Variants in AGMO observed in about 807,000 individuals in gnomAD.
The protein encoded by AGMO is glyceryl-ether monooxygenase.
AGMO carries 75 observed loss-of-function variants against 60.2 expected under a neutral mutation model. The observed-to-expected ratio is 1.25, with a 90% confidence interval of 1.03 to 1.51. AGMO has a LOEUF of 1.51. AGMO is among the 40% of genes most tolerant of loss of function. The pLI, the probability that AGMO is intolerant of heterozygous loss-of-function variation, is 0.00. For missense variants in AGMO, 763 were observed against 525.5 expected (o/e 1.45, Z -4.42); for synonymous variants, 261 against 177.1 (o/e 1.47, Z -3.76).
At chr7:15,194,569 G>A in the AGMO span, among the ~76,000 whole-genome samples, 1 of 152,034 alleles carries the variant, frequency 6.6e-6, no homozygotes, top group African/African-American at 2.4e-5. Context: ...ATTCCTTCTG[G>A]TTTTTGTGCA....
At chr7:15,159,968 C>G in the AGMO span, among the ~76,000 whole-genome samples, 1 of 152,140 alleles carries the variant, frequency 6.6e-6, no homozygotes. Context: ...CTACTGGGCA[C>G]TGGAAGCTAA....
chr7:15,422,684 G>A (rs2128495523), intron 4 of AGMO, among the ~76,000 whole-genome samples: 1 of 152,272 alleles, frequency 6.6e-6, no homozygotes, highest in Middle Eastern at 3.4e-3. Context: ...AGAAAATAGG[G>A]CAGTCTCATG....
At chr7:15,541,301 T>C (rs1450447704) in intron 3 of AGMO, among the ~76,000 whole-genome samples, 1 of 152,084 alleles carries the variant, frequency 6.6e-6, no homozygotes, top group Non-Finnish European at 1.5e-5. Flanking sequence ...TTTGTATTTT[T>C]AGTAGAGACA....
chr7:15,319,620 C>T (rs887455192), intron 12 of AGMO, among the ~76,000 whole-genome samples: 3 of 151,828 alleles, frequency 2.0e-5, no homozygotes, highest in Admixed American at 6.6e-5. Context: ...TGACGTTTTC[C>T]GAAGACTCAA....
chr7:15,182,547 C>A, the AGMO span, among the ~76,000 whole-genome samples: 47 of 152,110 alleles, frequency 3.1e-4, no homozygotes, highest in African/African-American at 1.1e-3. Flanking sequence ...TCCCGAGTAG[C>A]CGGGACTGCA....
chr7:15,365,822 T>C (rs1782953974), intron 11 of AGMO, among the ~76,000 whole-genome samples: 2 of 152,070 alleles, frequency 1.3e-5, no homozygotes, highest in African/African-American at 2.4e-5. Flanking sequence ...TTCATCAACA[T>C]ATTGCTTAGT....
chr7:15,508,922 T>C (rs1279549076), intron 3 of AGMO, among the ~76,000 whole-genome samples: 1 of 152,178 alleles, frequency 6.6e-6, no homozygotes, highest in South Asian at 2.1e-4. Flanking sequence ...ATTTAGTTTA[T>C]TTTAAGAACA....
At chr7:15,394,641 A>G (rs563547185) in intron 5 of AGMO, among the ~76,000 whole-genome samples, 2 of 152,336 alleles carry the variant, frequency 1.3e-5, no homozygotes, top group Admixed American at 1.3e-4. Flanking sequence ...CCTTCCAACT[A>G]TAGCTTTATT....
chr7:15,318,527 G>C (rs1049117208), intron 12 of AGMO, among the ~76,000 whole-genome samples: 13 of 152,024 alleles, frequency 8.6e-5, no homozygotes, highest in Non-Finnish European at 1.8e-4. Context: ...GATTGACTCA[G>C]ACAAAGTTCA....
At chr7:15,277,318 TA>T (rs1783827833) in intron 12 of AGMO, among the ~76,000 whole-genome samples, 2 of 122,354 alleles carry the variant, frequency 1.6e-5, no homozygotes, top group African/African-American at 8.6e-5. Context: ...AAATAATAAA[TA>T]AATAAATAAA....
intron 12 of AGMO, among the ~76,000 whole-genome samples, chr7:15,255,805 G>A (rs1478707603): frequency 6.6e-6 from 1 of 152,128 alleles, no homozygotes; most frequent in African/African-American, 2.4e-5. Flanking sequence ...AATTTAGGTA[G>A]GTAGGTACAG....
At chr7:15,547,683 T>G (rs942006532) in intron 2 of AGMO, among the ~76,000 whole-genome samples, 7 of 151,960 alleles carry the variant, frequency 4.6e-5, no homozygotes, top group Non-Finnish European at 1.0e-4. Context: ...GGAGTCTCGC[T>G]GATTGCTAGC....
intron 4 of AGMO, among the ~76,000 whole-genome samples, chr7:15,423,489 A>G (rs1475793364): frequency 1.0e-5 from 1 of 97,818 alleles, no homozygotes; most frequent in African/African-American, 3.5e-5. Context: ...TATACATCCT[A>G]TATTCTAGCC....
rs368348722 is a variant in AGMO, at chr7:15,401,906, A to G, written c.610-7727T>C. The stretch of plus-strand genomic sequence containing the variant: ...TAGATGTCTGCATTTTGATGAGCAT[A>G]GGTTAGAGTGACAACATTGACTATA... On this transcript the variant is annotated intron_variant, in intron 5 of 12. Coordinates refer to ENST00000342526, the MANE Select transcript of AGMO (RefSeq NM_001004320.2). 9.9e-5 allele frequency among the ~76,000 whole-genome samples: 15 copies of G among 152,212 alleles called. No individual in the cohort carries two copies. In the South Asian group the frequency reaches 2.3e-3, roughly 23 times the overall value.
the AGMO span, among the ~76,000 whole-genome samples, chr7:15,186,395 T>G: frequency 5.3e-5 from 8 of 152,210 alleles, no homozygotes; most frequent in Non-Finnish European, 1.2e-4. Flanking sequence ...TGGCTCCTGA[T>G]GTTTTACAGT....
chr7:15,237,486 G>GT (rs531005132), intron 12 of AGMO, among the ~76,000 whole-genome samples: 216 of 147,898 alleles, frequency 1.5e-3, no homozygotes, highest in African/African-American at 4.2e-3. Flanking sequence ...CCTAGAGAGT[G>GT]TTTTTTTTTT....
At chr7:15,354,748 A>G (rs778816284) in intron 12 of AGMO, among the ~76,000 whole-genome samples, 1 of 151,064 alleles carries the variant, frequency 6.6e-6, no homozygotes, top group Non-Finnish European at 1.5e-5. Context: ...TATTAACACA[A>G]AAATATCAAA....
At chr7:15,370,317 G>A (rs190708717) in intron 10 of AGMO, among the ~76,000 whole-genome samples, 108 of 152,298 alleles carry the variant, frequency 7.1e-4, no homozygotes, top group Non-Finnish European at 1.2e-3. Flanking sequence ...TGGGCACCTA[G>A]GTTGCTTCCA....
At chr7:15,355,706 T>A (rs1260884914) in intron 12 of AGMO, among the ~76,000 whole-genome samples, 1 of 152,076 alleles carries the variant, frequency 6.6e-6, no homozygotes, top group Non-Finnish European at 1.5e-5. Context: ...GAATTAATAA[T>A]AATGGATGGT....
Sources: allele counts gnomAD v4.1 joint callset (sites outside exome capture counted in the v4.1 genomes callset), GRCh38; gene constraint gnomAD v4.1.1; transcripts MANE v1.5; gene names NCBI Gene and HGNC (gene_info 2026-07-23, HGNC 2026-07-21).